Variants in PRRC1 observed in about 807,000 individuals in gnomAD.
PRRC1 encodes the protein protein PRRC1.
A neutral mutation model predicts 40.7 loss-of-function variants in PRRC1; 39 were observed. The ratio of observed to expected loss-of-function variants is 0.96; its 90% CI spans 0.74 to 1.25. PRRC1 has a LOEUF of 1.25. Ranked by LOEUF, PRRC1 falls within the 50% of genes most tolerant of loss-of-function variation. The probability of loss-of-function intolerance (pLI) is 0.00; values close to 1 mark genes in which losing one functional copy is unlikely to be tolerated. For missense variants in PRRC1, 573 were observed against 548.3 expected (o/e 1.05, Z -0.45); for synonymous variants, 175 against 193.3 (o/e 0.91, Z 0.79).
chr5:127,526,142 C>T (rs907756310), intron 3 of PRRC1, among the ~76,000 whole-genome samples: 1 of 152,204 alleles, frequency 6.6e-6, no homozygotes, highest in African/African-American at 2.4e-5. Context: ...TTTTTATTAT[C>T]TATCTTTCCC....
chr5:127,520,227 C>T (rs1767424132), intron 1 of PRRC1, among the ~76,000 whole-genome samples: 1 of 152,160 alleles, frequency 6.6e-6, no homozygotes, highest in South Asian at 2.1e-4. Context: ...TGGACATTGC[C>T]AAGTGACCCC....
chr5:127,546,380 C>T (rs554831613), intron 7 of PRRC1, among the ~76,000 whole-genome samples: 68 of 152,292 alleles, frequency 4.5e-4, no homozygotes, highest in African/African-American at 1.5e-3. Context: ...TCCAATATCA[C>T]GGTCACTTGT....
chr5:127,533,248 G>C (rs1396964194), intron 5 of PRRC1, among the ~76,000 whole-genome samples: 1 of 152,218 alleles, frequency 6.6e-6, no homozygotes, highest in African/African-American at 2.4e-5. Flanking sequence ...TCATGGTAGT[G>C]CTTGTTTAGT....
intron 6 of PRRC1, among the ~76,000 whole-genome samples, chr5:127,537,136 GT>G (rs1268315560): frequency 6.6e-6 from 1 of 151,478 alleles, no homozygotes; most frequent in African/African-American, 2.4e-5. Flanking sequence ...TATGACTACT[GT>G]TTTATATAGT....
intron 6 of PRRC1, among the ~76,000 whole-genome samples, chr5:127,537,670 C>G (rs1221134651): frequency 6.6e-6 from 1 of 151,928 alleles, no homozygotes; most frequent in Non-Finnish European, 1.5e-5. Flanking sequence ...TAGTGCATAG[C>G]TGAGATATCA....
In PRRC1 at chr5:127,539,125, C is replaced by A; in HGVS notation, c.1007C>A (p.Ala336Glu). ...GCTGTGTCAGTAGAAAACTTCATTG[C>A]AGAATTGCTGCCTGACAAGTAAGTG... ...QTAVSVENFI[A>E]ELLPDKWFDI... Residue 336 changes from alanine to glutamate, a missense_variant, in exon 7 of 9, where the codon GCA becomes GAA. Ala to Glu is a moderately radical substitution (Grantham distance 107). Coordinates refer to ENST00000296666, the MANE Select transcript of PRRC1 (RefSeq NM_130809.5). 6.2e-7 allele frequency: 1 copy of A among 1,612,444 alleles called. No individual in the cohort carries two copies. Among genetic ancestry groups the A allele is most frequent in the Non-Finnish European group, 8.5e-7 (1 of 1,178,688 alleles).
Position 127,553,422 on chromosome 5 carries a change from CAG to C in PRRC1, c.*1511_*1512del. On this transcript the variant is annotated 3_prime_UTR_variant, in exon 9 of 9. Transcript: ENST00000296666. ...TCATTAAAAGTCATGAGAGACAGCA[CAG>C]AGAGGTTATAGGTTGCCTTGGTGTA... 1 of 1,064,060 alleles carries C rather than the reference CAG, an allele frequency of 9.4e-7. No individual in the cohort carries two copies. The highest frequency in any genetic ancestry group is 1.1e-6 in the Non-Finnish European group (1 of 880,760). 65.9% of individuals were successfully genotyped at this position (1,064,060 alleles called of 1,614,324 possible).
chr5:127,544,968 T>G (rs536269386), intron 7 of PRRC1, among the ~76,000 whole-genome samples: 1 of 152,236 alleles, frequency 6.6e-6, no homozygotes, highest in Non-Finnish European at 1.5e-5. Context: ...ACCCGTCTTC[T>G]GCGTCGCTCA....
intron 1 of PRRC1, 154 bp downstream of exon 1, chr5:127,517,930 C>T (rs977340624): frequency 6.6e-6 from 1 of 152,658 alleles, no homozygotes; most frequent in African/African-American, 2.4e-5. Flanking sequence ...TTGCGAGCCC[C>T]CTAGTCCCGT....
chr5:127,551,620 A>T, intron 8 of PRRC1, 87 bp from the exon 9 acceptor site: 2 of 1,350,304 alleles, frequency 1.5e-6, no homozygotes, highest in Non-Finnish European at 2.1e-6. Context: ...TTAAAATAAC[A>T]TGAAACACTT....
intron 8 of PRRC1, chr5:127,550,194 T>C (rs1176854713): frequency 6.6e-6 from 1 of 152,168 alleles, no homozygotes; most frequent in Non-Finnish European, 1.5e-5. Context: ...TATTTGCTTT[T>C]TACTTTGCTT....
At position 127,533,614 on chromosome 5, in the gene PRRC1, T is replaced by G; in HGVS notation, c.758-9T>G. 6.2e-7 allele frequency: 1 copy of G among 1,604,490 alleles called. No homozygotes were observed. ...ATTTGAAAGTTAAATTTTCCTCTGG[T>G]CTTTTTAGAATCTGGAGGTGAACTG... On this transcript the variant is annotated splice_polypyrimidine_tract_variant and intron_variant, in intron 5 of 8. Transcript: ENST00000296666.
chr5:127,547,792 C>T, intron 7 of PRRC1, 27 bp from the exon 8 acceptor site: 1 of 1,505,084 alleles, frequency 6.6e-7, no homozygotes, highest in Non-Finnish European at 9.2e-7. Context: ...GCATATAAAC[C>T]ATTTGAAACT....
intron 1 of PRRC1, among the ~76,000 whole-genome samples, chr5:127,520,275 TTAGTC>T (rs1346529121): frequency 6.6e-6 from 1 of 152,236 alleles, no homozygotes; most frequent in Non-Finnish European, 1.5e-5. Flanking sequence ...ATGAAAATCA[TTAGTC>T]TAGGTTGTTA....
At position 127,552,827 on chromosome 5, in the gene PRRC1, C is replaced by G. The variant is rs1174542051; in HGVS notation, c.*911C>G. 2.0e-6 allele frequency: 2 copies of G among 985,194 alleles called. No homozygotes were observed. Among genetic ancestry groups the G allele is most frequent in the Admixed American group, 6.2e-5 (1 of 16,256 alleles). 61.0% of individuals were successfully genotyped at this position (985,194 alleles called of 1,614,324 possible). A position where few individuals can be genotyped will look rare whatever the true frequency, so the allele number is the denominator to read the frequency against. On this transcript the variant is annotated 3_prime_UTR_variant, in exon 9 of 9. Transcript: ENST00000296666. Reference sequence around the variant, plus strand: ...TGCTTGTGGGTTAGTATGTCTCTTACTTCAATTAAGGTTACTTATTTGGTT... The same window carrying G: ...TGCTTGTGGGTTAGTATGTCTCTTAGTTCAATTAAGGTTACTTATTTGGTT...
At position 127,524,885 on chromosome 5, in the gene PRRC1, C is replaced by A; in HGVS notation, c.458C>A (p.Pro153His). 1.2e-6 allele frequency: 2 copies of A among 1,609,522 alleles called. No individual in the cohort carries two copies. The highest frequency in any genetic ancestry group is 2.2e-5 in the South Asian group (2 of 90,816). ...RGHAGRAPQT[P>H]LMPSFSAPSG... ...CATGCTGGGAGAGCTCCCCAGACAC[C>A]CCTGATGCCATCATTTTCTGCACCT... The change falls in exon 3 of 9, where the codon CCC becomes CAC. Residue 153 changes from proline (P) to histidine (H), a missense_variant. By Grantham distance (77) the Pro-to-His change is moderately conservative (BLOSUM62 -2). Coordinates refer to ENST00000296666, the MANE Select transcript of PRRC1 (RefSeq NM_130809.5).
chr5:127,553,801 T>G lies in PRRC1; in HGVS notation c.*1885T>G. ...CAAATACTGACATTTCATTAGATGATTATTTTCCTAGAATCCCCAAAGAGC... is the reference window on the plus strand; with the variant it reads ...CAAATACTGACATTTCATTAGATGAGTATTTTCCTAGAATCCCCAAAGAGC... On this transcript the variant is annotated 3_prime_UTR_variant, in exon 9 of 9. Coordinates refer to ENST00000296666, the MANE Select transcript of PRRC1 (RefSeq NM_130809.5). 2 of 1,535,562 alleles carry G rather than the reference T, an allele frequency of 1.3e-6. No individual in the cohort carries two copies. The highest frequency in any genetic ancestry group is 1.7e-6 in the Non-Finnish European group (2 of 1,146,488).
At chr5:127,534,583 T>C (rs1342027289) in intron 6 of PRRC1, among the ~76,000 whole-genome samples, 6 of 152,204 alleles carry the variant, frequency 3.9e-5, no homozygotes, top group East Asian at 3.8e-4. Context: ...TTCCACACTT[T>C]AGTTTTTCCC....
chr5:127,543,904 C>A (rs1207899871), intron 7 of PRRC1, among the ~76,000 whole-genome samples: 3 of 152,086 alleles, frequency 2.0e-5, no homozygotes, highest in Admixed American at 2.0e-4. Flanking sequence ...AGCTTTGTTC[C>A]GTTGCTGGTG....
Sources: gnomAD v4.1 joint callset for allele counts (sites outside exome capture counted in the v4.1 genomes callset) on GRCh38, gnomAD v4.1.1 for gene constraint, MANE v1.5 for transcripts, NCBI Gene and HGNC (gene_info 2026-07-23, HGNC 2026-07-21) for gene names.